Variants in ABR observed in about 807,000 individuals in gnomAD.
ABR encodes the protein active breakpoint cluster region-related protein.
In ABR, 35 loss-of-function variants were observed where a neutral mutation model predicts 107.2. The ratio of observed to expected loss-of-function variants is 0.33; its 90% CI spans 0.25 to 0.43. The LOEUF (loss-of-function observed/expected upper bound fraction) is 0.43, where lower values mean the gene tolerates loss of function less well. ABR is among the 20% of genes least tolerant of loss of function. ABR has a pLI of 1.00. For synonymous variants in ABR, 498 were observed against 462.0 expected (o/e 1.08, Z -1.00); for missense variants, 815 against 1,115.2 (o/e 0.73, Z 3.83).
chr17:1,100,474 C>T (rs2037789427), intron 3 of ABR, among the ~76,000 whole-genome samples, 163 bp downstream of exon 3: 1 of 152,264 alleles, frequency 6.6e-6, no homozygotes, highest in South Asian at 2.1e-4. Flanking sequence ...ATGACCCGGG[C>T]TGCCCGATGC....
intron 2 of ABR, among the ~76,000 whole-genome samples, chr17:1,104,800 C>T (rs565213324): frequency 2.6e-5 from 4 of 152,172 alleles, no homozygotes; most frequent in Non-Finnish European, 4.4e-5. Flanking sequence ...GGGACAAAGA[C>T]CAAATTCCAG....
intron 1 of ABR, among the ~76,000 whole-genome samples, chr17:1,211,378 G>A (rs1598133958): frequency 6.6e-6 from 1 of 152,300 alleles, no homozygotes; most frequent in East Asian, 1.9e-4. Context: ...TTCCATTTCA[G>A]TGGAGCTAGC....
At chr17:1,057,862 G>T in intron 12 of ABR, 108 bp downstream of exon 12, 2 of 983,540 alleles carry the variant, frequency 2.0e-6, no homozygotes, top group South Asian at 1.3e-5. Flanking sequence ...CTCTGAGGGT[G>T]ACTGCGAGGG....
chr17:1,163,410 G>T (rs2041384669), intron 1 of ABR, among the ~76,000 whole-genome samples: 1 of 152,268 alleles, frequency 6.6e-6, no homozygotes, highest in Admixed American at 6.5e-5. Context: ...AAAGAGAGAA[G>T]CAAGTCACAA....
At chr17:1,128,570 G>C (rs1215581605) in intron 1 of ABR, among the ~76,000 whole-genome samples, 1 of 152,228 alleles carries the variant, frequency 6.6e-6, no homozygotes, top group African/African-American at 2.4e-5. Context: ...TGCTGGAAGA[G>C]ACTGATTTAG....
chr17:1,019,723 C>G (rs1193028033), intron 16 of ABR, among the ~76,000 whole-genome samples: 1 of 152,280 alleles, frequency 6.6e-6, no homozygotes, highest in African/African-American at 2.4e-5. Flanking sequence ...GAAATGTGGA[C>G]TGTGCTATTT....
rs2042039392 is a variant in ABR at position 1,179,431 on chromosome 17, A to C, written c.61+236T>G. On this transcript the variant is annotated intron_variant, in intron 1 of 22. Coordinates refer to ENST00000302538, the MANE Select transcript of ABR (RefSeq NM_021962.5). The surrounding 1 kb of genome is among the most constrained non-coding windows in gnomAD (Gnocchi z 4.9). ...CGGACCGCAGGAATCCTCTCTGGGG[A>C]CCCCCCGCCCGCGCCCCCCAGACCA... 6.8e-6 allele frequency among the ~76,000 whole-genome samples: 1 copy of C among 147,806 alleles called. No homozygotes were observed. Among genetic ancestry groups the C allele is most frequent in the Non-Finnish European group, 1.5e-5 (1 of 67,002 alleles).
In ABR at chr17:1,109,155, G is replaced by C. The variant is rs1275598054; in HGVS notation, c.247-8420C>G. The stretch of plus-strand genomic sequence containing the variant: ...GGGAGGAGGGAGGAGGCGGGCGGGA[G>C]GGGGGGCAGGTCTACACCCGCGCGC... On this transcript the variant is annotated intron_variant, in intron 2 of 22. Transcript: ENST00000302538. 26 of 1,429,898 alleles carry C rather than the reference G, an allele frequency of 1.8e-5. 1 individual carries two copies. Among genetic ancestry groups the C allele is most frequent in the African/African-American group, 4.4e-5 (3 of 67,954 alleles). 88.6% of individuals were successfully genotyped at this position (1,429,898 alleles called of 1,614,324 possible). A position where few individuals can be genotyped will look rare whatever the true frequency, so the allele number is the denominator to read the frequency against.
At chr17:1,170,419 T>C (rs981045513) in intron 1 of ABR, among the ~76,000 whole-genome samples, 1 of 152,062 alleles carries the variant, frequency 6.6e-6, no homozygotes. Context: ...TTGAATTAAT[T>C]AATTTAGTTT....
chr17:1,045,210 G>A (rs1279007339), intron 16 of ABR, among the ~76,000 whole-genome samples: 1 of 152,188 alleles, frequency 6.6e-6, no homozygotes, highest in Admixed American at 6.5e-5. Context: ...CATTGCTTTT[G>A]GAATTAAAAA....
chr17:1,018,258 G>C (rs573499602), intron 16 of ABR, among the ~76,000 whole-genome samples: 80 of 151,240 alleles, frequency 5.3e-4, no homozygotes, highest in Middle Eastern at 3.5e-3. Flanking sequence ...TAGCCAGGAT[G>C]GTCTTGATCT....
chr17:1,038,321 G>T, intron 16 of ABR, among the ~76,000 whole-genome samples: 1 of 152,220 alleles, frequency 6.6e-6, no homozygotes, highest in East Asian at 1.9e-4. Flanking sequence ...GAGATTAGGG[G>T]CTTTGTAAGG....
chr17:1,204,404 C>T (rs1438058508), intron 1 of ABR, among the ~76,000 whole-genome samples: 1 of 152,186 alleles, frequency 6.6e-6, no homozygotes, highest in Non-Finnish European at 1.5e-5. Context: ...GAGATTGCGC[C>T]ACTGCGCTCC....
intron 1 of ABR, among the ~76,000 whole-genome samples, chr17:1,216,282 A>T (rs2043007814): frequency 1.3e-5 from 2 of 152,136 alleles, no homozygotes; most frequent in African/African-American, 4.8e-5. Context: ...CGAGGTAGGG[A>T]AGCTGTTATA....
intron 1 of ABR, among the ~76,000 whole-genome samples, chr17:1,129,349 C>T (rs1392634843): frequency 9.2e-6 from 1 of 108,586 alleles, no homozygotes; most frequent in African/African-American, 3.1e-5. Context: ...ACCATACTGG[C>T]CAATATGGTG....
At chr17:1,141,111 G>A (rs2040267652) in intron 1 of ABR, among the ~76,000 whole-genome samples, 1 of 152,170 alleles carries the variant, frequency 6.6e-6, no homozygotes, top group Non-Finnish European at 1.5e-5. Flanking sequence ...AAGCCGAGTG[G>A]GTGTCGTAGG....
intron 4 of ABR, 132 bp from the exon 5 acceptor site, chr17:1,083,759 TGGG>T: frequency 1.4e-6 from 1 of 735,600 alleles, no homozygotes; most frequent in Non-Finnish European, 2.4e-6. Flanking sequence ...GTTGGGAACT[TGGG>T]GAAACGCAGG....
chr17:1,055,914 G>C (rs964016833), intron 14 of ABR, 121 bp downstream of exon 14: 1 of 902,268 alleles, frequency 1.1e-6, no homozygotes, highest in African/African-American at 1.6e-5. Context: ...AAGAGGAGCT[G>C]GTTTCTGGCC....
chr17:1,091,256 T>A (rs1291695806), intron 4 of ABR, among the ~76,000 whole-genome samples: 2 of 151,900 alleles, frequency 1.3e-5, no homozygotes, highest in Non-Finnish European at 2.9e-5. Context: ...AAGCCTTCAT[T>A]CCAGGGCTGG....
Sources: gnomAD v4.1 joint callset for allele counts (sites outside exome capture counted in the v4.1 genomes callset) on GRCh38, gnomAD v4.1.1 for gene constraint, Gnocchi (gnomAD v3.1) non-coding constraint, MANE v1.5 for transcripts, NCBI Gene and HGNC (gene_info 2026-07-23, HGNC 2026-07-21) for gene names.